The following ATP9B variants were observed in gnomAD, a reference collection of about 807,000 sequenced individuals.
ATP9B encodes ATPase phospholipid transporting 9B.
A neutral mutation model predicts 146.1 loss-of-function variants in ATP9B; 110 were observed. The ratio of observed to expected loss-of-function variants is 0.75; its 90% confidence interval spans 0.65 to 0.88. The LOEUF (loss-of-function observed/expected upper bound fraction) is 0.88, where lower values mean the gene tolerates loss of function less well. ATP9B is among the 40% of genes least tolerant of loss of function. The pLI, the probability that ATP9B is intolerant of heterozygous loss-of-function variation, is 0.00. For synonymous variants in ATP9B, 604 were observed against 569.7 expected (o/e 1.06, Z -0.86); for missense variants, 1,499 against 1,496.4 (o/e 1.00, Z -0.03).
At chr18:79,208,860 T>C (rs1386239462) in intron 10 of ATP9B, among the ~76,000 whole-genome samples, 1 of 152,176 alleles carries the variant, frequency 6.6e-6, no homozygotes, top group Non-Finnish European at 1.5e-5. Flanking sequence ...GTTTCTGGGC[T>C]CTGTAGGCCT....
In ATP9B at chr18:79,084,005, C is replaced by T. The variant is rs568299532; in HGVS notation, c.120-12471C>T. On this transcript the variant is annotated intron_variant, in intron 1 of 29. Transcript: ENST00000426216. ...TCCCAAGTAGCTGGCACTACAGGCA[C>T]GTGCCACCATGCCCGGCTAATTTTT... Among the ~76,000 whole-genome samples, 157 of 151,846 alleles carry T rather than the reference C, an allele frequency of 1.0e-3. 1 individual carries two copies. The highest frequency in any genetic ancestry group is 1.9e-3 in the Non-Finnish European group (127 of 67,920).
intron 15 of ATP9B, among the ~76,000 whole-genome samples, chr18:79,312,285 C>T (rs1210197179): frequency 6.6e-6 from 1 of 152,196 alleles, no homozygotes; most frequent in Non-Finnish European, 1.5e-5. Flanking sequence ...TTACTTTTTC[C>T]TAAATGCAGT....
intron 4 of ATP9B, among the ~76,000 whole-genome samples, chr18:79,124,477 T>C (rs1242678186): frequency 2.6e-5 from 4 of 152,286 alleles, no homozygotes; most frequent in Non-Finnish European, 5.9e-5. Context: ...GTGCCATGCC[T>C]GCCTTCTTTG....
intron 7 of ATP9B, chr18:79,173,620 G>T: frequency 2.3e-6 from 1 of 440,692 alleles, no homozygotes; most frequent in Non-Finnish European, 4.5e-6. Flanking sequence ...ATCAAAAGTA[G>T]TTGCCATACT....
chr18:79,303,571 TTAA>T, intron 13 of ATP9B, 30 bp from the exon 14 acceptor site: 1 of 1,575,472 alleles, frequency 6.3e-7, no homozygotes, highest in East Asian at 2.2e-5. Context: ...GCCTCCTGCA[TTAA>T]TGTGTTTGCT....
At chr18:79,193,346 A>G in intron 9 of ATP9B, 83 bp downstream of exon 9, 1 of 1,164,398 alleles carries the variant, frequency 8.6e-7, no homozygotes, top group East Asian at 2.4e-5. Flanking sequence ...AATTCAATCA[A>G]GAATAAATTC....
At chr18:79,214,510 C>A (rs1171601153) in intron 11 of ATP9B, among the ~76,000 whole-genome samples, 1 of 152,028 alleles carries the variant, frequency 6.6e-6, no homozygotes, top group Non-Finnish European at 1.5e-5. Context: ...TTTTAAAGAC[C>A]GCTTGATTAT....
chr18:79,238,292 G>T (rs527832755), intron 11 of ATP9B, among the ~76,000 whole-genome samples: 5 of 148,020 alleles, frequency 3.4e-5, no homozygotes, highest in Non-Finnish European at 7.4e-5. Context: ...CAATAATCTC[G>T]TGACTGCTGT....
At chr18:79,278,286 G>T (rs559741220) in intron 13 of ATP9B, among the ~76,000 whole-genome samples, 2 of 152,200 alleles carry the variant, frequency 1.3e-5, no homozygotes, top group African/African-American at 2.4e-5. Flanking sequence ...GACTTTGATC[G>T]AGTGGTGCGG....
At chr18:79,151,128 A>G (rs1327222972) in intron 6 of ATP9B, among the ~76,000 whole-genome samples, 1 of 152,242 alleles carries the variant, frequency 6.6e-6, no homozygotes, top group Non-Finnish European at 1.5e-5. Flanking sequence ...GTGACCCAGA[A>G]TGGCCAAAAC....
chr18:79,250,420 G>A (rs532562652), intron 11 of ATP9B, among the ~76,000 whole-genome samples: 1 of 152,262 alleles, frequency 6.6e-6, no homozygotes, highest in South Asian at 2.1e-4. Flanking sequence ...TTCATTGATA[G>A]CATCTTTAGG....
At chr18:79,114,149 G>A (rs889346598) in intron 4 of ATP9B, among the ~76,000 whole-genome samples, 7 of 151,962 alleles carry the variant, frequency 4.6e-5, no homozygotes, top group African/African-American at 1.7e-4. Flanking sequence ...TAGTAGAGAC[G>A]GCGTTTCACC....
At chr18:79,325,373 C>T (rs545166341) in intron 15 of ATP9B, among the ~76,000 whole-genome samples, 1 of 152,302 alleles carries the variant, frequency 6.6e-6, no homozygotes, top group African/African-American at 2.4e-5. Context: ...CTCAATACTG[C>T]TTTTCCAGAA....
intron 11 of ATP9B, among the ~76,000 whole-genome samples, chr18:79,229,203 A>G (rs1030664521): frequency 6.6e-6 from 1 of 152,190 alleles, no homozygotes; most frequent in Non-Finnish European, 1.5e-5. Context: ...AGAATTATGT[A>G]ATTACTAAAA....
intron 1 of ATP9B, among the ~76,000 whole-genome samples, chr18:79,071,167 A>T (rs941814060): frequency 4.0e-5 from 6 of 150,862 alleles, no homozygotes; most frequent in African/African-American, 1.5e-4. Context: ...GGGTATTACA[A>T]TATACAAATG....
chr18:79,096,433 G>T (rs1241217815), intron 1 of ATP9B, 43 bp from the exon 2 acceptor site: 1 of 1,562,164 alleles, frequency 6.4e-7, no homozygotes. Flanking sequence ...CTGTAAAGAA[G>T]ACTGCTTGGC....
intron 7 of ATP9B, among the ~76,000 whole-genome samples, chr18:79,162,018 T>G (rs1332878618): frequency 1.3e-5 from 2 of 152,380 alleles, no homozygotes; most frequent in East Asian, 3.9e-4. Flanking sequence ...TCTTATTGCC[T>G]AGTTGTTTTC....
intron 1 of ATP9B, among the ~76,000 whole-genome samples, chr18:79,089,088 T>C (rs564965954): frequency 6.6e-6 from 1 of 152,122 alleles, no homozygotes; most frequent in African/African-American, 2.4e-5. Context: ...AATGATGCAG[T>C]GGACTTTGGC....
At chr18:79,258,214 C>T (rs2096103287) in intron 12 of ATP9B, among the ~76,000 whole-genome samples, 1 of 152,072 alleles carries the variant, frequency 6.6e-6, no homozygotes, top group South Asian at 2.1e-4. Context: ...TAGCTTGAGT[C>T]CAGGAGTTAG....
Sources: allele counts gnomAD v4.1 joint callset (sites outside exome capture counted in the v4.1 genomes callset), GRCh38; gene constraint gnomAD v4.1.1; transcripts MANE v1.5; gene names NCBI Gene and HGNC (gene_info 2026-07-23, HGNC 2026-07-21).